Variants in RABGEF1 observed in about 807,000 individuals in gnomAD.
RABGEF1 encodes RAB guanine nucleotide exchange factor 1.
RABGEF1 carries 26 observed loss-of-function variants against 57.3 expected under a neutral mutation model. That is an observed-to-expected ratio of 0.45 (90% confidence interval 0.33 to 0.63). RABGEF1 has a LOEUF of 0.63. Among genes scored for constraint, RABGEF1 ranks in the 20% least tolerant of loss-of-function variants. The pLI is 0.02. For missense variants in RABGEF1, 464 were observed against 607.6 expected, an observed-to-expected ratio of 0.76 and a Z score of 2.48; for synonymous variants, 185 against 210.7, an observed-to-expected ratio of 0.88 and a Z score of 1.06.
At chr7:66,672,745 CAAG>C in the RABGEF1 span, among the ~76,000 whole-genome samples, 2 of 152,180 alleles carry the variant, frequency 1.3e-5, no homozygotes, top group South Asian at 2.1e-4. Flanking sequence ...TGCTGGCCTC[CAAG>C]AAGGATTGCC....
intron 1 of RABGEF1, among the ~76,000 whole-genome samples, chr7:66,759,924 G>T (rs1803837162): frequency 6.6e-6 from 1 of 152,192 alleles, no homozygotes; most frequent in African/African-American, 2.4e-5. Flanking sequence ...AGCAACTCCA[G>T]AAGGAAATCA....
intron 1 of RABGEF1, among the ~76,000 whole-genome samples, chr7:66,683,175 A>C (rs1790051842): frequency 1.3e-5 from 2 of 152,064 alleles, no homozygotes; most frequent in African/African-American, 4.8e-5. Flanking sequence ...ATGGGATCTC[A>C]CAATGTTACC....
chr7:66,656,676 C>T, the RABGEF1 span, among the ~76,000 whole-genome samples: 3 of 151,836 alleles, frequency 2.0e-5, no homozygotes, highest in Non-Finnish European at 2.9e-5. Context: ...AAAAATTAGC[C>T]GGCTGTGATG....
At chr7:66,785,388 A>G (rs1032663930) in intron 4 of RABGEF1, among the ~76,000 whole-genome samples, 1 of 152,226 alleles carries the variant, frequency 6.6e-6, no homozygotes, top group African/African-American at 2.4e-5. Context: ...CACATACCAT[A>G]TATGAAAGAG....
chr7:66,795,663 T>G, intron 5 of RABGEF1, 71 bp downstream of exon 5: 1 of 1,378,788 alleles, frequency 7.3e-7, no homozygotes, highest in Non-Finnish European at 1.0e-6. Flanking sequence ...TAGCAATTTC[T>G]TTCTTTCTCT....
rs573681060 is a variant in RABGEF1, at chr7:66,803,532, G to A, written c.821-1608G>A. 6.6e-5 allele frequency among the ~76,000 whole-genome samples: 10 copies of A among 152,288 alleles called. 2 individuals are homozygous for A. The South Asian group carries it at 2.1e-3, about 32-fold the overall frequency. On this transcript the variant is annotated intron_variant, in intron 7 of 8. Transcript: ENST00000284957. ...TTCAGCACCCTTCGCTGTCCCCCAG[G>A]CTTGTTGGAAAAGGGTGGGCATTCA...
intron 3 of RABGEF1, among the ~76,000 whole-genome samples, chr7:66,782,873 A>G (rs1451542808): frequency 6.6e-6 from 1 of 152,228 alleles, no homozygotes; most frequent in Non-Finnish European, 1.5e-5. Context: ...CCTTATAAAC[A>G]TTAGAGAGCA....
At chr7:66,686,813 CT>C (rs1232678403) in intron 1 of RABGEF1, among the ~76,000 whole-genome samples, 3 of 151,010 alleles carry the variant, frequency 2.0e-5, no homozygotes, top group Non-Finnish European at 4.4e-5. Flanking sequence ...TATAGTAGAA[CT>C]TTTTTTTCTT....
At chr7:66,721,697 G>A (rs112908678) in intron 2 of RABGEF1, among the ~76,000 whole-genome samples, 2 of 152,190 alleles carry the variant, frequency 1.3e-5, no homozygotes, top group African/African-American at 4.8e-5. Flanking sequence ...GCTGGGTCCA[G>A]TGGCTCACGA....
chr7:66,679,727 C>G (rs190953886), upstream of RABGEF1, among the ~76,000 whole-genome samples: 1 of 152,074 alleles, frequency 6.6e-6, no homozygotes, highest in Admixed American at 6.6e-5. Context: ...TTCTGCTCAG[C>G]TTATTGAACG....
chr7:66,745,780 A>AAAAG (rs1283534570), intron 1 of RABGEF1, among the ~76,000 whole-genome samples: 1 of 151,814 alleles, frequency 6.6e-6, no homozygotes, highest in East Asian at 1.9e-4. Context: ...AAAAAAAAAA[A>AAAAG]AAAAAAGTGA....
intron 4 of RABGEF1, among the ~76,000 whole-genome samples, chr7:66,787,934 T>C (rs1244240728): frequency 2.6e-5 from 4 of 152,236 alleles, no homozygotes; most frequent in Admixed American, 6.5e-5. Flanking sequence ...GTAAGACACA[T>C]GTTTAGACTG....
intron 4 of RABGEF1, among the ~76,000 whole-genome samples, chr7:66,794,206 AAT>A (rs1813437483): frequency 2.2e-5 from 2 of 91,900 alleles, no homozygotes. Context: ...CTCCATGTTT[AAT>A]TTTTTTTTTT....
chr7:66,708,658 A>G (rs925589017), intron 1 of RABGEF1, among the ~76,000 whole-genome samples: 1 of 152,122 alleles, frequency 6.6e-6, no homozygotes, highest in Non-Finnish European at 1.5e-5. Context: ...AAATAATTTT[A>G]AAAAGTATCC....
intron 1 of RABGEF1, among the ~76,000 whole-genome samples, chr7:66,683,728 T>C (rs1319110723): frequency 5.3e-5 from 1 of 18,750 alleles, no homozygotes; most frequent in Non-Finnish European, 1.0e-4. Flanking sequence ...AAGGAGGTGC[T>C]TATTTATTTA....
At chr7:66,757,073 G>C (rs1230944217) in intron 1 of RABGEF1, among the ~76,000 whole-genome samples, 3 of 152,120 alleles carry the variant, frequency 2.0e-5, no homozygotes, top group Non-Finnish European at 4.4e-5. Context: ...GTTCCAAAAA[G>C]TCTTGTGGGA....
intron 2 of RABGEF1, among the ~76,000 whole-genome samples, chr7:66,733,689 C>G (rs1797603667): frequency 1.8e-5 from 2 of 111,000 alleles, no homozygotes; most frequent in African/African-American, 2.8e-5. Context: ...CAGAGTGAGG[C>G]TCCATCTCAA....
At chr7:66,762,504 C>T (rs527657443) in intron 1 of RABGEF1, among the ~76,000 whole-genome samples, 51 of 152,038 alleles carry the variant, frequency 3.4e-4, no homozygotes, top group African/African-American at 1.2e-3. Flanking sequence ...ACGAGAGGGT[C>T]GCTTGAGCCT....
chr7:66,749,046 G>C (rs1800846732), intron 1 of RABGEF1: 1 of 158,368 alleles, frequency 6.3e-6, no homozygotes, highest in Admixed American at 6.5e-5. Flanking sequence ...CTGAAGCCCT[G>C]GTGGTGGCAT....
Sources: allele counts gnomAD v4.1 joint callset (sites outside exome capture counted in the v4.1 genomes callset), GRCh38; gene constraint gnomAD v4.1.1; transcripts MANE v1.5; gene names NCBI Gene and HGNC (gene_info 2026-07-23, HGNC 2026-07-21).